The following LTBP1 variants were observed in gnomAD, a reference collection of about 807,000 sequenced individuals.
LTBP1 encodes the protein latent transforming growth factor beta binding protein 1.
LTBP1 carries 129 observed loss-of-function variants against 207.6 expected under a neutral mutation model. That is an observed-to-expected ratio of 0.62 (90% confidence interval 0.54 to 0.72). LTBP1 has a LOEUF of 0.72. Among genes scored for constraint, LTBP1 ranks in the 30% least tolerant of loss-of-function variants. The pLI is 0.00. For synonymous variants in LTBP1, 963 were observed against 833.7 expected (o/e 1.16, Z -2.67); for missense variants, 2,281 against 2,217.2 (o/e 1.03, Z -0.58).
intron 24 of LTBP1, among the ~76,000 whole-genome samples, chr2:33,320,396 GAAAAAAAA>G (rs57890814): frequency 4.0e-5 from 5 of 124,812 alleles, no homozygotes; most frequent in African/African-American, 1.5e-4. Flanking sequence ...TAAACTCTGT[GAAAAAAAA>G]AAAAAAAGAA....
At chr2:33,092,403 T>G (rs1412245774) in intron 3 of LTBP1, among the ~76,000 whole-genome samples, 2 of 152,248 alleles carry the variant, frequency 1.3e-5, no homozygotes, top group Non-Finnish European at 2.9e-5. Context: ...GTGTTAGAAC[T>G]TGTAAAACTC....
intron 3 of LTBP1, among the ~76,000 whole-genome samples, chr2:33,079,051 G>A (rs1269491952): frequency 1.3e-5 from 2 of 151,506 alleles, no homozygotes; most frequent in Non-Finnish European, 2.9e-5. Context: ...TAGAGACGGG[G>A]TTTCACCATG....
chr2:33,119,838 G>A (rs932107328), intron 4 of LTBP1, among the ~76,000 whole-genome samples: 1 of 152,164 alleles, frequency 6.6e-6, no homozygotes, highest in African/African-American at 2.4e-5. Flanking sequence ...GATTATAGAC[G>A]AGAGCACTGC....
chr2:33,207,350 G>A (rs752369912), intron 7 of LTBP1, among the ~76,000 whole-genome samples: 3 of 151,256 alleles, frequency 2.0e-5, no homozygotes, highest in Non-Finnish European at 4.4e-5. Context: ...GTCAGAAATC[G>A]ATGTGGATAC....
chr2:33,234,368 C>T (rs776652142), intron 9 of LTBP1, among the ~76,000 whole-genome samples: 14 of 151,994 alleles, frequency 9.2e-5, no homozygotes, highest in Non-Finnish European at 1.6e-4. Context: ...GAAACTTAGA[C>T]GAGATCGGGC....
intron 3 of LTBP1, among the ~76,000 whole-genome samples, chr2:33,089,665 T>C (rs1483162838): frequency 6.6e-6 from 1 of 152,258 alleles, no homozygotes; most frequent in Non-Finnish European, 1.5e-5. Context: ...TCATGTTGAA[T>C]CAGATATTAC....
intron 5 of LTBP1, among the ~76,000 whole-genome samples, chr2:33,183,673 A>G (rs927649379): frequency 6.6e-6 from 1 of 152,190 alleles, no homozygotes; most frequent in Non-Finnish European, 1.5e-5. Context: ...TTTGTAGTAC[A>G]TTTAAAGCTG....
intron 5 of LTBP1, among the ~76,000 whole-genome samples, chr2:33,143,366 C>T (rs1406201356): frequency 6.6e-6 from 1 of 152,180 alleles, no homozygotes; most frequent in African/African-American, 2.4e-5. Context: ...ATGCTGAATG[C>T]ATTTTTGTTG....
chr2:32,977,111 A>G lies in LTBP1; in HGVS notation c.565+28166A>G, dbSNP rs73925772. 6.0e-3 allele frequency among the ~76,000 whole-genome samples: 907 copies of G among 152,340 alleles called. 13 individuals are homozygous for G. The highest frequency in any genetic ancestry group is 0.021 in the African/African-American group (866 of 41,580). ...TGCCCCTTGGCAGAATTCAGATAGA[A>G]GAAGGACCAGTGGACTGGAAGCTCT... On this transcript the variant is annotated intron_variant, in intron 2 of 33. Coordinates refer to ENST00000404816, the MANE Select transcript of LTBP1 (RefSeq NM_206943.4).
intron 3 of LTBP1, among the ~76,000 whole-genome samples, chr2:33,053,429 T>C (rs189138051): frequency 1.3e-5 from 2 of 152,280 alleles, no homozygotes; most frequent in African/African-American, 4.8e-5. Flanking sequence ...TATAATGACA[T>C]CTATCTATCA....
chr2:32,991,990 T>C lies in LTBP1; in HGVS notation c.566-28919T>C, dbSNP rs1482146195. ...CCACTTGTAGATGACACAAAAACAG[T>C]CCTCCTGCTTATAGGGAATTCTTTG... On this transcript the variant is annotated intron_variant, in intron 2 of 33. Coordinates refer to ENST00000404816, the MANE Select transcript of LTBP1 (RefSeq NM_206943.4). Among the ~76,000 whole-genome samples the C allele has an allele frequency of 2.0e-5, 3 of 152,196 alleles. No individual in the cohort carries two copies. In the East Asian group the frequency reaches 5.8e-4, roughly 29 times the overall value.
At chr2:33,139,416 A>T (rs1426655111) in intron 5 of LTBP1, among the ~76,000 whole-genome samples, 1 of 152,214 alleles carries the variant, frequency 6.6e-6, no homozygotes, top group Non-Finnish European at 1.5e-5. Flanking sequence ...GCCTTCTAAC[A>T]GCTTATACTT....
At chr2:33,318,094 A>T (rs1330220442) in intron 24 of LTBP1, among the ~76,000 whole-genome samples, 1 of 152,150 alleles carries the variant, frequency 6.6e-6, no homozygotes, top group Non-Finnish European at 1.5e-5. Context: ...TGGATTAGGG[A>T]TGCTCAACAG....
intron 2 of LTBP1, among the ~76,000 whole-genome samples, chr2:32,979,394 C>A (rs943336599): frequency 6.6e-6 from 1 of 151,820 alleles, no homozygotes; most frequent in African/African-American, 2.4e-5. Flanking sequence ...GTTGTATTTC[C>A]ATTATCATTG....
chr2:33,270,374 G>A (rs912594105), intron 15 of LTBP1, among the ~76,000 whole-genome samples: 3 of 151,908 alleles, frequency 2.0e-5, no homozygotes, highest in African/African-American at 7.3e-5. Context: ...TGGATCGCAA[G>A]GTCAAGAGAT....
intron 24 of LTBP1, among the ~76,000 whole-genome samples, chr2:33,326,281 C>CGA (rs1180719995): frequency 6.6e-6 from 1 of 152,146 alleles, no homozygotes; most frequent in African/African-American, 2.4e-5. Context: ...TTTCTCCATT[C>CGA]ATGGAGTGGG....
chr2:33,276,469 A>G (rs1323476983), intron 18 of LTBP1, among the ~76,000 whole-genome samples: 1 of 152,238 alleles, frequency 6.6e-6, no homozygotes, highest in Non-Finnish European at 1.5e-5. Flanking sequence ...AAAATGTTAT[A>G]AAAAGTATTT....
intron 4 of LTBP1, among the ~76,000 whole-genome samples, chr2:33,127,340 A>G (rs917252377): frequency 1.3e-5 from 2 of 152,122 alleles, no homozygotes; most frequent in Admixed American, 1.3e-4. Context: ...CTTTATGAAG[A>G]TGGTAGAAGC....
intron 3 of LTBP1, among the ~76,000 whole-genome samples, chr2:33,059,132 G>A (rs941478959): frequency 3.3e-5 from 5 of 152,214 alleles, no homozygotes; most frequent in African/African-American, 7.2e-5. Context: ...CATTTAAGAA[G>A]TGTTTTTTGC....
Sources: gnomAD v4.1 joint callset for allele counts (sites outside exome capture counted in the v4.1 genomes callset) on GRCh38, gnomAD v4.1.1 for gene constraint, MANE v1.5 for transcripts, NCBI Gene and HGNC (gene_info 2026-07-23, HGNC 2026-07-21) for gene names.